The following PIK3R6 variants were observed in gnomAD, a reference collection of about 807,000 sequenced individuals.
PIK3R6 encodes the protein phosphoinositide-3-kinase regulatory subunit 6.
A neutral mutation model predicts 84.9 loss-of-function variants in PIK3R6; 91 were observed. The observed-to-expected ratio is 1.07, with a 90% CI of 0.90 to 1.28. The LOEUF (loss-of-function observed/expected upper bound fraction) is 1.28. Ranked by LOEUF, PIK3R6 falls within the 50% of genes most tolerant of loss-of-function variation. The pLI, the probability that PIK3R6 is intolerant of heterozygous loss-of-function variation, is 0.00. For synonymous variants in PIK3R6, 416 were observed against 411.4 expected, an observed-to-expected ratio of 1.01 and a Z score of -0.13; for missense variants, 996 against 985.1, an observed-to-expected ratio of 1.01 and a Z score of -0.15.
Position 8,827,731 on chromosome 17 carries a change from G to C in PIK3R6, c.1392+381C>G, listed in dbSNP as rs150067526. Among the ~76,000 whole-genome samples, 196 of 125,094 alleles carry C rather than the reference G, an allele frequency of 1.6e-3. 1 individual carries two copies. The highest frequency in any genetic ancestry group is 6.0e-3 in the African/African-American group (187 of 30,988). The allele number at this position is 125,094 out of a possible 152,430, so 82.1% of individuals were successfully genotyped here. ...GTGTGTATGTGTGTGTATGAGAGAG[G>C]GGAGGGAAGGGGAGAGAGAGAGAGA... is the stretch of plus-strand genomic sequence containing the variant. On this transcript the variant is annotated intron_variant, in intron 12 of 19. Coordinates refer to ENST00000619866, the MANE Select transcript of PIK3R6 (RefSeq NM_001010855.4).
At chr17:8,847,802 C>CA (rs34223097) in intron 2 of PIK3R6, among the ~76,000 whole-genome samples, 3,180 of 138,324 alleles carry the variant, frequency 0.023, 44 homozygotes, top group Non-Finnish European at 0.027. Context: ...GACTCTGTCT[C>CA]AAAAAAAAAA....
At position 8,828,994 on chromosome 17, in the gene PIK3R6, G is replaced by C. The variant is rs565653181; in HGVS notation, c.890-4C>G. On this transcript the variant is annotated splice_region_variant and splice_polypyrimidine_tract_variant and intron_variant, in intron 10 of 19. Coordinates refer to ENST00000619866, the MANE Select transcript of PIK3R6 (RefSeq NM_001010855.4). ...AGGAAGAGCACCAGTTCCTTCCCTG[G>C]GGTGGGGGAACAAGGGCGGTGAGGA... 1 of 1,495,284 alleles carries C rather than the reference G, an allele frequency of 6.7e-7. No homozygotes were observed. 92.6% of individuals were successfully genotyped at this position (1,495,284 alleles called of 1,614,324 possible).
intron 3 of PIK3R6, 113 bp from the exon 4 acceptor site, chr17:8,838,768 G>T: frequency 1.0e-6 from 1 of 991,658 alleles, no homozygotes; most frequent in Non-Finnish European, 1.5e-6. Context: ...GACCAGCCAC[G>T]GGTGTGACCC....
chr17:8,806,404 T>C (rs1007822843), intron 18 of PIK3R6, among the ~76,000 whole-genome samples: 1 of 152,196 alleles, frequency 6.6e-6, no homozygotes, highest in Non-Finnish European at 1.5e-5. Flanking sequence ...AGCCCCACCT[T>C]CTAGGTAATC....
intron 18 of PIK3R6, among the ~76,000 whole-genome samples, chr17:8,804,564 T>G (rs2087143295): frequency 6.6e-6 from 1 of 152,162 alleles, no homozygotes; most frequent in Non-Finnish European, 1.5e-5. Flanking sequence ...TTCTCAGCAT[T>G]AAATCACATA....
Position 8,829,575 on chromosome 17 carries a change from CAG to C in PIK3R6, c.889+129_889+130del, listed in dbSNP as rs568059553. The C allele has an allele frequency of 2.2e-5, 21 of 968,268 alleles. No homozygotes were observed. In the East Asian group the frequency reaches 5.7e-4, roughly 26 times the overall value. 60.0% of individuals were successfully genotyped at this position (968,268 alleles called of 1,614,324 possible). On this transcript the variant is annotated intron_variant, in intron 10 of 19. Transcript: ENST00000619866. ...ACACACTCATGCACACATACACACA[CAG>C]ACACACTGACACACACTCATGCATA...
Position 8,804,071 on chromosome 17 carries a change from T to C in PIK3R6, c.2078A>G (p.Asp693Gly), listed in dbSNP as rs1216124854. Residue 693 changes from aspartate (D) to glycine (G), a missense_variant, in exon 19 of 20, where the codon GAC becomes GGC. Transcript: ENST00000619866. ...CACATCCCTGAAAGTGCGTTGATCGTCCTTGTCCAGCGACAGTGTCAGCAG... is the reference window on the plus strand; with the variant it reads ...CACATCCCTGAAAGTGCGTTGATCGCCCTTGTCCAGCGACAGTGTCAGCAG... ...QRLLTLSLDK[D>G]DQRTFRDVVR... is the part of the protein sequence containing the mutation. 3 of 1,614,024 alleles carry C rather than the reference T, an allele frequency of 1.9e-6. No homozygotes were observed. Among genetic ancestry groups the C allele is most frequent in the Non-Finnish European group, 2.5e-6 (3 of 1,179,864 alleles).
At position 8,821,938 on chromosome 17, in the gene PIK3R6, T is replaced by C; in HGVS notation, c.1789-2A>G. The C allele has an allele frequency of 6.3e-7, 1 of 1,575,048 alleles. No individual in the cohort carries two copies. On this transcript the variant is annotated splice_acceptor_variant, in intron 16 of 19. Transcript: ENST00000619866. LOFTEE classifies it high-confidence loss of function. Reference sequence around the variant, plus strand: ...TCGGGGCCGGTGGCTAAGCAAGGCCTGAGGAGGGGGATCGAGGAACAGGTG... The same window carrying C: ...TCGGGGCCGGTGGCTAAGCAAGGCCCGAGGAGGGGGATCGAGGAACAGGTG...
At chr17:8,817,743 A>T (rs1159395969) in intron 18 of PIK3R6, among the ~76,000 whole-genome samples, 2 of 152,208 alleles carry the variant, frequency 1.3e-5, no homozygotes, top group African/African-American at 4.8e-5. Flanking sequence ...CATGGAGGTG[A>T]CTTTGCCACA....
In PIK3R6 at chr17:8,832,965, C is replaced by A; in HGVS notation, c.726G>T (p.Pro242=). ...GCCTCTCTACGTGTCCCTCCCGGCT[C>A]GGGCTGGCCTCGCTGGCCATCTGCT... is the stretch of plus-strand genomic sequence containing the variant. ...ALEQMASEAS[P]SREGHVERLE... is the part of the protein sequence containing the mutation. The change falls in exon 9 of 20, where the codon CCG becomes CCT. Residue 242 remains proline, a synonymous_variant. Coordinates refer to ENST00000619866, the MANE Select transcript of PIK3R6 (RefSeq NM_001010855.4). 6.2e-7 allele frequency: 1 copy of A among 1,612,506 alleles called. No individual in the cohort carries two copies. The highest frequency in any genetic ancestry group is 8.5e-7 in the Non-Finnish European group (1 of 1,179,734).
intron 17 of PIK3R6, among the ~76,000 whole-genome samples, chr17:8,820,417 G>GAAA (rs35027109): frequency 6.8e-6 from 1 of 147,780 alleles, no homozygotes; most frequent in African/African-American, 2.5e-5. Context: ...CTCCATTTTA[G>GAAA]AAAAAAAAAA....
In PIK3R6 at chr17:8,844,786, C is replaced by G. The variant is rs1229906754; in HGVS notation, c.13+4996G>C. Reference sequence around the variant, plus strand: ...ACTACTCATATGAGTAGTACTAGTACCCACACTAACTAGTTTTTCAACTCT... The same window carrying G: ...ACTACTCATATGAGTAGTACTAGTAGCCACACTAACTAGTTTTTCAACTCT... On this transcript the variant is annotated intron_variant, in intron 2 of 19. Transcript: ENST00000619866. The surrounding 1 kb of genome is among the most constrained non-coding windows in gnomAD (Gnocchi z 4.5). Among the ~76,000 whole-genome samples the G allele has an allele frequency of 6.6e-6, 1 of 151,862 alleles. No homozygotes were observed. Among genetic ancestry groups the G allele is most frequent in the Non-Finnish European group, 1.5e-5 (1 of 67,946 alleles).
chr17:8,846,443 G>A (rs890033083), intron 2 of PIK3R6, among the ~76,000 whole-genome samples: 1 of 152,020 alleles, frequency 6.6e-6, no homozygotes, highest in African/African-American at 2.4e-5. Context: ...GGCTATTTGG[G>A]CCCTTTTTTG....
chr17:8,848,337 A>C (rs1020318310), intron 2 of PIK3R6, among the ~76,000 whole-genome samples: 1 of 152,218 alleles, frequency 6.6e-6, no homozygotes, highest in Non-Finnish European at 1.5e-5. Flanking sequence ...TTATAAAGTG[A>C]GTGCAAAGTA....
At chr17:8,828,062 C>A in intron 12 of PIK3R6, 50 bp downstream of exon 12, 1 of 1,578,072 alleles carries the variant, frequency 6.3e-7, no homozygotes, top group South Asian at 1.1e-5. Flanking sequence ...GTGTCCCTGC[C>A]CAGCCTGCCC....
At chr17:8,863,623 C>T (rs2089332723) in intron 1 of PIK3R6, among the ~76,000 whole-genome samples, 1 of 152,054 alleles carries the variant, frequency 6.6e-6, no homozygotes. Context: ...TAACCTCCAC[C>T]TCCCAGGTTC....
At chr17:8,823,594 T>C in intron 13 of PIK3R6, 97 bp from the exon 14 acceptor site, 1 of 788,888 alleles carries the variant, frequency 1.3e-6, no homozygotes, top group Non-Finnish European at 2.2e-6. Flanking sequence ...CCTACATCTC[T>C]GGGATGCACT....
In PIK3R6 at chr17:8,820,925, G is replaced by A. The variant is rs73973228; in HGVS notation, c.1879+921C>T. Among the ~76,000 whole-genome samples, 1,061 of 152,254 alleles carry A rather than the reference G, an allele frequency of 7.0e-3. 12 individuals are homozygous for A. The highest frequency in any genetic ancestry group is 0.024 in the African/African-American group (1,001 of 41,536). The stretch of plus-strand genomic sequence containing the variant: ...CCTGGCTTATGTGTATTTTCATTCC[G>A]TATTTCTTCTGGAATATTCCAAATG... On this transcript the variant is annotated intron_variant, in intron 17 of 19. Coordinates refer to ENST00000619866, the MANE Select transcript of PIK3R6 (RefSeq NM_001010855.4).
chr17:8,823,475 C>A lies in PIK3R6; in HGVS notation c.1538G>T (p.Arg513Leu), dbSNP rs139293791. The change falls in exon 14 of 20, where the codon CGG becomes CTG. Residue 513 changes from arginine (R) to leucine (L), a missense_variant. Arg to Leu is a moderately radical substitution (Grantham distance 102, BLOSUM62 -2). Coordinates refer to ENST00000619866, the MANE Select transcript of PIK3R6 (RefSeq NM_001010855.4). ...AEMPPSLDTS[R>L]TVDPFILDVI... is the part of the protein sequence containing the mutation. ...GTCTAGGATGAAGGGGTCCACAGTC[C>A]GGGATGTGTCCAGGGAAGGAGGCTG... is the stretch of plus-strand genomic sequence containing the variant. 37 of 1,611,656 alleles carry A rather than the reference C, an allele frequency of 2.3e-5. No individual in the cohort carries two copies. The highest frequency in any genetic ancestry group is 3.1e-5 in the Non-Finnish European group (37 of 1,178,272).
Sources: gnomAD v4.1 joint callset for allele counts (sites outside exome capture counted in the v4.1 genomes callset) on GRCh38, gnomAD v4.1.1 for gene constraint, Gnocchi (gnomAD v3.1) non-coding constraint, MANE v1.5 for transcripts, NCBI Gene and HGNC (gene_info 2026-07-23, HGNC 2026-07-21) for gene names.